Variants in SYN3 observed in about 807,000 individuals in gnomAD.
SYN3 encodes the protein synapsin-3.
In SYN3, 35 loss-of-function variants were observed where a neutral mutation model predicts 65.8. The observed-to-expected ratio is 0.53, with a 90% CI of 0.41 to 0.70. SYN3 has a LOEUF of 0.70. Ranked by LOEUF, SYN3 falls within the 30% of genes least tolerant of loss-of-function variation. The pLI, the probability that SYN3 is intolerant of heterozygous loss-of-function variation, is 0.00. For missense variants in SYN3, 680 were observed against 749.0 expected (o/e 0.91, Z 1.08); for synonymous variants, 270 against 292.9 (o/e 0.92, Z 0.80).
chr22:32,756,086 G>C (rs2045281372), intron 6 of SYN3, among the ~76,000 whole-genome samples: 2 of 152,140 alleles, frequency 1.3e-5, no homozygotes, highest in East Asian at 1.9e-4. Context: ...GGGGGGCTTG[G>C]GGAGGGATAG....
chr22:32,814,795 GA>G (rs933393866), intron 6 of SYN3, among the ~76,000 whole-genome samples: 12 of 152,010 alleles, frequency 7.9e-5, no homozygotes, highest in African/African-American at 2.9e-4. Context: ...GACAGAAAGG[GA>G]AAAAAACTAG....
chr22:33,058,135 C>T (rs1037386903), intron 1 of SYN3, among the ~76,000 whole-genome samples, 157 bp downstream of exon 1: 1 of 152,168 alleles, frequency 6.6e-6, no homozygotes, highest in Non-Finnish European at 1.5e-5. Context: ...TTGCCTCCCT[C>T]CCTGCCCCTC....
At chr22:32,612,000 C>T (rs1020582827) in intron 6 of SYN3, among the ~76,000 whole-genome samples, 7 of 152,128 alleles carry the variant, frequency 4.6e-5, no homozygotes, top group African/African-American at 1.4e-4. Flanking sequence ...AAAAATCCCT[C>T]AACTACAGAA....
chr22:32,728,029 C>T (rs888713691), intron 6 of SYN3, among the ~76,000 whole-genome samples: 16 of 152,242 alleles, frequency 1.1e-4, no homozygotes, highest in African/African-American at 3.6e-4. Flanking sequence ...GGAGAACTGG[C>T]TAGCCATATG....
At chr22:32,907,593 A>T (rs1376833746) in intron 4 of SYN3, among the ~76,000 whole-genome samples, 1 of 152,182 alleles carries the variant, frequency 6.6e-6, no homozygotes, top group Non-Finnish European at 1.5e-5. Flanking sequence ...AAATTCACTA[A>T]TCAAGGGAAA....
At chr22:32,987,858 C>G (rs762665999) in intron 2 of SYN3, among the ~76,000 whole-genome samples, 21 of 152,116 alleles carry the variant, frequency 1.4e-4, no homozygotes, top group Non-Finnish European at 2.6e-4. Context: ...AGTCCTTGTT[C>G]TTGGAGAGCT....
At chr22:32,579,378 T>C (rs548343764) in intron 7 of SYN3, among the ~76,000 whole-genome samples, 1 of 152,146 alleles carries the variant, frequency 6.6e-6, no homozygotes, top group Non-Finnish European at 1.5e-5. Context: ...AGCAGATCAG[T>C]GTCTGATGAG....
At chr22:32,762,680 T>C (rs1293741346) in intron 6 of SYN3, among the ~76,000 whole-genome samples, 1 of 152,218 alleles carries the variant, frequency 6.6e-6, no homozygotes, top group African/African-American at 2.4e-5. Context: ...AGAACAGGTC[T>C]GCTGATGGAC....
intron 7 of SYN3, among the ~76,000 whole-genome samples, chr22:32,552,032 C>T (rs1228222190): frequency 5.9e-5 from 9 of 152,240 alleles, no homozygotes; most frequent in East Asian, 1.9e-4. Context: ...GGGTGGATCA[C>T]GAGGTTAAGA....
At position 32,907,628 on chromosome 22, in the gene SYN3, A is replaced by T. The variant is rs187891603; in HGVS notation, c.461+23762T>A. On this transcript the variant is annotated intron_variant, in intron 4 of 13. Transcript: ENST00000358763. The stretch of plus-strand genomic sequence containing the variant: ...ACAATATTTTAGTGTAATATTTTTT[A>T]AAAAATATCAAATTAACAAGCTATG... Among the ~76,000 whole-genome samples the T allele has an allele frequency of 3.0e-3, 453 of 152,300 alleles. 3 individuals are homozygous for T. Among genetic ancestry groups the T allele is most frequent in the East Asian group, 0.011 (55 of 5,188 alleles).
At chr22:32,724,545 G>C (rs1483122012) in intron 6 of SYN3, among the ~76,000 whole-genome samples, 1 of 152,096 alleles carries the variant, frequency 6.6e-6, no homozygotes, top group Non-Finnish European at 1.5e-5. Flanking sequence ...TTATCTAATA[G>C]GATTTCTGGA....
At chr22:32,976,714 G>A (rs749757449) in intron 3 of SYN3, among the ~76,000 whole-genome samples, 7 of 152,136 alleles carry the variant, frequency 4.6e-5, no homozygotes, top group East Asian at 1.9e-4. Flanking sequence ...TCTCCTCCAC[G>A]GGCCTCCCCA....
chr22:32,771,224 C>T (rs550188944), intron 6 of SYN3, among the ~76,000 whole-genome samples: 1 of 152,310 alleles, frequency 6.6e-6, no homozygotes, highest in African/African-American at 2.4e-5. Context: ...CATGTCCCTG[C>T]AAAGGACATG....
intron 4 of SYN3, among the ~76,000 whole-genome samples, chr22:32,882,910 C>T (rs1456222154): frequency 6.6e-6 from 1 of 152,050 alleles, no homozygotes; most frequent in Non-Finnish European, 1.5e-5. Context: ...CCCCCCGCCC[C>T]CCAACCAGCT....
intron 6 of SYN3, among the ~76,000 whole-genome samples, chr22:32,761,518 G>A (rs2045479272): frequency 6.6e-6 from 1 of 152,204 alleles, no homozygotes; most frequent in Non-Finnish European, 1.5e-5. Context: ...GCTTCCCAGA[G>A]GCCATGGGAT....
At position 32,510,259 on chromosome 22, in the gene SYN3, A is replaced by G. The variant is rs182890943; in HGVS notation, c.*3433T>C. Among the ~76,000 whole-genome samples, 42 of 152,300 alleles carry G rather than the reference A, an allele frequency of 2.8e-4. No individual in the cohort carries two copies. Among genetic ancestry groups the G allele is most frequent in the African/African-American group, 1.0e-3 (42 of 41,574 alleles). On this transcript the variant is annotated 3_prime_UTR_variant, in exon 14 of 14. Coordinates refer to ENST00000358763, the MANE Select transcript of SYN3 (RefSeq NM_003490.4). ...CTGGTCTCACATCAAAGTGCATTCA[A>G]AGTGGGGAGATTGACAAAGATGCAG...
At chr22:32,615,007 T>C (rs1478017769) in intron 6 of SYN3, among the ~76,000 whole-genome samples, 3 of 151,620 alleles carry the variant, frequency 2.0e-5, no homozygotes, top group South Asian at 2.1e-4. Context: ...GGAAGAATAA[T>C]TGGAAAGTAA....
intron 6 of SYN3, among the ~76,000 whole-genome samples, chr22:32,680,695 T>G (rs1041618788): frequency 6.6e-6 from 1 of 152,358 alleles, no homozygotes; most frequent in African/African-American, 2.4e-5. Context: ...TGTTCAGAGT[T>G]GTAAATTTCA....
chr22:32,875,227 G>A (rs141136394), intron 4 of SYN3, among the ~76,000 whole-genome samples: 12 of 152,336 alleles, frequency 7.9e-5, no homozygotes, highest in African/African-American at 2.4e-4. Flanking sequence ...GATGCACACC[G>A]GTGGAGAAGG....
Sources: gnomAD v4.1 joint callset for allele counts (sites outside exome capture counted in the v4.1 genomes callset) on GRCh38, gnomAD v4.1.1 for gene constraint, MANE v1.5 for transcripts, NCBI Gene and HGNC (gene_info 2026-07-23, HGNC 2026-07-21) for gene names.